KMT5B: variants seen among roughly 807,000 people sequenced by gnomAD.
KMT5B encodes lysine methyltransferase 5B.
A neutral mutation model predicts 83.2 loss-of-function variants in KMT5B; 10 were observed. That is an observed-to-expected ratio of 0.12 (90% CI 0.07 to 0.20). The LOEUF is 0.20. Among genes scored for constraint, KMT5B ranks in the 10% least tolerant of loss-of-function variants. The pLI is 1.00. For missense variants in KMT5B, 753 were observed against 1,067.2 expected (o/e 0.71, Z 4.10); for synonymous variants, 349 against 388.8 (o/e 0.90, Z 1.20).
chr11:68,179,655 G>A (rs1856726103), intron 4 of KMT5B: 13 of 1,207,652 alleles, frequency 1.1e-5, no homozygotes, highest in Middle Eastern at 2.3e-4. Context: ...CAGAAAAAAG[G>A]GAGACAGGGA....
chr11:68,190,133 AAT>A lies in KMT5B; in HGVS notation c.-59_-58del. ...GTCACTCTCTTCAAATAGCTTAGAG[AAT>A]ACTTTCAATGTTCTCTCCTAACAGA... On this transcript the variant is annotated 5_prime_UTR_variant, in exon 2 of 11. Coordinates refer to ENST00000304363, the MANE Select transcript of KMT5B (RefSeq NM_017635.5). The A allele has an allele frequency of 6.6e-7, 1 of 1,507,844 alleles. No homozygotes were observed. The highest frequency in any genetic ancestry group is 9.2e-7 in the Non-Finnish European group (1 of 1,092,332). The allele number at this position is 1,507,844 out of a possible 1,614,324, so 93.4% of individuals were successfully genotyped here. A position where few individuals can be genotyped will look rare whatever the true frequency, so the allele number is the denominator to read the frequency against.
chr11:68,202,041 T>C (rs34493482), intron 1 of KMT5B, among the ~76,000 whole-genome samples: 68,057 of 151,938 alleles, frequency 0.45, 15,891 homozygotes, highest in East Asian at 0.64. Flanking sequence ...CACTCTAGCC[T>C]AGGTGATAGA....
intron 10 of KMT5B, among the ~76,000 whole-genome samples, chr11:68,161,679 T>C (rs2153042980): frequency 6.6e-6 from 1 of 152,314 alleles, no homozygotes; most frequent in South Asian, 2.1e-4. Flanking sequence ...CCACTTTTTC[T>C]TGAGAAAACC....
At chr11:68,204,540 G>A (rs1035629241) in intron 1 of KMT5B, among the ~76,000 whole-genome samples, 19 of 151,164 alleles carry the variant, frequency 1.3e-4, no homozygotes, top group Non-Finnish European at 1.6e-4. Context: ...CCCTGCCAAC[G>A]CCTTGACTTT....
chr11:68,208,416 G>A (rs1860450779), intron 1 of KMT5B, among the ~76,000 whole-genome samples: 2 of 152,056 alleles, frequency 1.3e-5, no homozygotes, highest in South Asian at 4.2e-4. Flanking sequence ...TCGCGCCACT[G>A]CACTCCAGCC....
chr11:68,175,270 T>C (rs1237269751), intron 4 of KMT5B, 87 bp from the exon 5 acceptor site: 2 of 1,057,948 alleles, frequency 1.9e-6, no homozygotes, highest in African/African-American at 1.6e-5. Context: ...AAAGAGCTAA[T>C]ACCCTAAAAA....
chr11:68,172,169 A>C (rs1006726518), intron 6 of KMT5B, among the ~76,000 whole-genome samples: 1 of 152,212 alleles, frequency 6.6e-6, no homozygotes, highest in Non-Finnish European at 1.5e-5. Context: ...TTTCAATCTT[A>C]AATTTTTTAG....
chr11:68,207,018 G>C (rs1008075820), intron 1 of KMT5B, among the ~76,000 whole-genome samples: 1 of 151,838 alleles, frequency 6.6e-6, no homozygotes, highest in Non-Finnish European at 1.5e-5. Context: ...TGAGGCGGGC[G>C]GATCACGAGG....
At position 68,162,017 on chromosome 11, in the gene KMT5B, G is replaced by A. The variant is rs554772366; in HGVS notation, c.1175-2846C>T. ...CAATATCACCACCACATGCCCAGCTGCCAAAGCAGAAAGCTGGAGGTCCTC... is the reference window on the plus strand; with the variant it reads ...CAATATCACCACCACATGCCCAGCTACCAAAGCAGAAAGCTGGAGGTCCTC... On this transcript the variant is annotated intron_variant, in intron 10 of 10. Coordinates refer to ENST00000304363, the MANE Select transcript of KMT5B (RefSeq NM_017635.5). Among the ~76,000 whole-genome samples the A allele has an allele frequency of 2.0e-5, 3 of 152,240 alleles. No homozygotes were observed. The East Asian group carries it at 5.8e-4, about 29-fold the overall frequency.
intron 6 of KMT5B, among the ~76,000 whole-genome samples, chr11:68,173,267 C>G (rs2153054114): frequency 6.6e-6 from 1 of 152,242 alleles, no homozygotes; most frequent in Non-Finnish European, 1.5e-5. Flanking sequence ...TCTTGAACTC[C>G]TGACCTCAAG....
intron 4 of KMT5B, among the ~76,000 whole-genome samples, chr11:68,178,368 CTAAAACCAACACAAAA>C (rs1010251973): frequency 2.0e-5 from 3 of 152,182 alleles, no homozygotes; most frequent in Admixed American, 6.5e-5. Flanking sequence ...AATTTACATG[CTAAAACCAACACAAAA>C]TAGTCAACTC....
At chr11:68,210,846 T>C (rs1860806118) in intron 1 of KMT5B, among the ~76,000 whole-genome samples, 1 of 152,144 alleles carries the variant, frequency 6.6e-6, no homozygotes, top group Non-Finnish European at 1.5e-5. Context: ...GCTGACATAG[T>C]CGGGGAACTC....
chr11:68,188,939 C>G (rs1267881753), intron 2 of KMT5B, among the ~76,000 whole-genome samples: 1 of 152,154 alleles, frequency 6.6e-6, no homozygotes, highest in Non-Finnish European at 1.5e-5. Context: ...CTTGCCTCTT[C>G]CTACTCTTGT....
intron 10 of KMT5B, chr11:68,166,740 A>C: frequency 1.5e-6 from 2 of 1,359,256 alleles, no homozygotes; most frequent in Non-Finnish European, 1.9e-6. Context: ...ATGATGAAGA[A>C]CTCATATCCA....
At chr11:68,163,193 G>A (rs968014517) in intron 10 of KMT5B, among the ~76,000 whole-genome samples, 2 of 152,176 alleles carry the variant, frequency 1.3e-5, no homozygotes, top group East Asian at 3.8e-4. Context: ...GTAATTTTAG[G>A]TGGGGGTACA....
rs552644166 is a variant in KMT5B, at chr11:68,196,193, G to A, written c.-76-6041C>T. ...AATAAAATGCATTTTTTTCCTGGGG[G>A]TGTGGGGAAGGGCAATGCACCATGC... On this transcript the variant is annotated intron_variant, in intron 1 of 10. Coordinates refer to ENST00000304363, the MANE Select transcript of KMT5B (RefSeq NM_017635.5). 4.6e-5 allele frequency among the ~76,000 whole-genome samples: 7 copies of A among 151,966 alleles called. No homozygotes were observed. In the South Asian group the frequency reaches 1.2e-3, roughly 27 times the overall value.
At position 68,163,382 on chromosome 11, in the gene KMT5B, G is replaced by C. The variant is rs996335087; in HGVS notation, c.1174+3600C>G. On this transcript the variant is annotated intron_variant, in intron 10 of 10. Coordinates refer to ENST00000304363, the MANE Select transcript of KMT5B (RefSeq NM_017635.5). ...GAGATGGGACTTGTTAGGCCTTCCT[G>C]AGCATTAAAATCACGCTTATGCTGC... 1.2e-4 allele frequency among the ~76,000 whole-genome samples: 18 copies of C among 152,214 alleles called. 1 individual carries two copies. Among genetic ancestry groups the C allele is most frequent in the African/African-American group, 4.3e-4 (18 of 41,454 alleles).
intron 1 of KMT5B, among the ~76,000 whole-genome samples, chr11:68,204,085 G>A (rs1434944745): frequency 1.3e-5 from 2 of 152,080 alleles, no homozygotes; most frequent in Non-Finnish European, 2.9e-5. Flanking sequence ...CAAGAGAATA[G>A]CGTCTGAAGC....
intron 1 of KMT5B, among the ~76,000 whole-genome samples, chr11:68,208,674 A>G (rs1047361364): frequency 6.6e-6 from 1 of 152,110 alleles, no homozygotes; most frequent in Non-Finnish European, 1.5e-5. Context: ...GATCAGGGAA[A>G]TATAAATCAA....
Sources: gnomAD v4.1 joint callset for allele counts (sites outside exome capture counted in the v4.1 genomes callset) on GRCh38, gnomAD v4.1.1 for gene constraint, MANE v1.5 for transcripts, NCBI Gene and HGNC (gene_info 2026-07-23, HGNC 2026-07-21) for gene names.